The following DHRSX variants were observed in gnomAD, a reference collection of about 807,000 sequenced individuals.
DHRSX encodes the protein polyprenol dehydrogenase.
In DHRSX, 31 loss-of-function variants were observed where a neutral mutation model predicts 34.0. The ratio of observed to expected loss-of-function variants is 0.91; its 90% CI spans 0.69 to 1.23. The LOEUF (loss-of-function observed/expected upper bound fraction) is 1.23. DHRSX is among the 50% of genes most tolerant of loss of function. DHRSX has a pLI of 0.00. For synonymous variants in DHRSX, 201 were observed against 183.8 expected (o/e 1.09, Z -0.76); for missense variants, 414 against 428.1 (o/e 0.97, Z 0.29).
chrX:2,459,288 CA>C (rs1039503999), intron 1 of DHRSX, among the ~76,000 whole-genome samples: 2 of 151,298 alleles, frequency 1.3e-5, no homozygotes, highest in African/African-American at 2.4e-5. Flanking sequence ...TTCTCATCAC[CA>C]AAAAAACGAA....
chrX:2,284,789 G>A lies in DHRSX; in HGVS notation c.388+6713C>T, dbSNP rs192856190. 2.4e-3 allele frequency among the ~76,000 whole-genome samples: 372 copies of A among 152,274 alleles called. 1 individual carries two copies. The highest frequency in any genetic ancestry group is 8.3e-3 in the African/African-American group (344 of 41,556). The stretch of plus-strand genomic sequence containing the variant: ...CTTGATAAATCATCGCGTTGCCTCT[G>A]AGCTTCCCACAGCAGCCAGACAGAG... On this transcript the variant is annotated intron_variant, in intron 4 of 6. Coordinates refer to ENST00000334651, the MANE Select transcript of DHRSX (RefSeq NM_145177.3).
chrX:2,223,581 A>G (rs920774235), intron 6 of DHRSX, among the ~76,000 whole-genome samples: 9 of 152,132 alleles, frequency 5.9e-5, no homozygotes, highest in Admixed American at 2.0e-4. Flanking sequence ...GTAAAGGCGA[A>G]AGGGATGGAA....
intron 3 of DHRSX, among the ~76,000 whole-genome samples, chrX:2,335,140 G>A (rs968782218): frequency 4.0e-5 from 6 of 148,212 alleles, no homozygotes; most frequent in Non-Finnish European, 8.9e-5. Context: ...AGCCGAGATC[G>A]TACCACTGCA....
intron 3 of DHRSX, among the ~76,000 whole-genome samples, chrX:2,402,530 TGAGCCTGGAGGCAGACTCAGTC>T (rs1183129885): frequency 6.6e-6 from 1 of 152,200 alleles, no homozygotes; most frequent in Non-Finnish European, 1.5e-5. Context: ...TGGGGGCTCC[TGAGCCTGGAGGCAGACTCAGTC>T]GAGGTAAAGG....
chrX:2,311,158 C>A (rs1329060480), intron 3 of DHRSX, among the ~76,000 whole-genome samples: 1 of 149,906 alleles, frequency 6.7e-6, no homozygotes, highest in Admixed American at 6.6e-5. Context: ...AGGAGAGACA[C>A]AGAGAAAGTG....
chrX:2,452,910 T>G (rs1476681905), intron 1 of DHRSX, among the ~76,000 whole-genome samples: 2 of 152,192 alleles, frequency 1.3e-5, no homozygotes, highest in African/African-American at 2.4e-5. Flanking sequence ...TACCCATCAA[T>G]GGGATACCTG....
At chrX:2,323,871 G>C (rs995737645) in intron 3 of DHRSX, among the ~76,000 whole-genome samples, 21 of 152,110 alleles carry the variant, frequency 1.4e-4, no homozygotes, top group Non-Finnish European at 2.8e-4. Context: ...TAATGATACA[G>C]GGGTTAAGAA....
rs182388719 is a variant in DHRSX, at chrX:2,220,839, C to T, written c.*202G>A. The T allele has an allele frequency of 9.3e-6, 5 of 538,508 alleles. No homozygotes were observed. The highest frequency in any genetic ancestry group is 5.0e-4 in the Middle Eastern group (1 of 1,982). 33.4% of individuals were successfully genotyped at this position (538,508 alleles called of 1,614,324 possible). ...AATCACAAAGTTTATGGTTGAAGAC[C>T]ACTTGGGGTGATTATCCTCCAAAAT... On this transcript the variant is annotated 3_prime_UTR_variant, in exon 7 of 7. Coordinates refer to ENST00000334651, the MANE Select transcript of DHRSX (RefSeq NM_145177.3).
chrX:2,266,715 A>G, intron 5 of DHRSX, 25 bp downstream of exon 5: 1 of 1,609,718 alleles, frequency 6.2e-7, no homozygotes, highest in Non-Finnish European at 8.5e-7. Context: ...AGATGCTGTT[A>G]TGATTATTCA....
At chrX:2,241,320 C>T (rs1166193918) in intron 6 of DHRSX, among the ~76,000 whole-genome samples, 1 of 152,166 alleles carries the variant, frequency 6.6e-6, no homozygotes, top group African/African-American at 2.4e-5. Flanking sequence ...AAAACCAACA[C>T]CCCAAAGTAC....
At chrX:2,442,285 G>A (rs1250573971) in intron 1 of DHRSX, among the ~76,000 whole-genome samples, 3 of 151,408 alleles carry the variant, frequency 2.0e-5, no homozygotes, top group Non-Finnish European at 2.9e-5. Flanking sequence ...GGAGGAGGAG[G>A]AGGAACAAAA....
chrX:2,371,759 A>C (rs1016001821), intron 3 of DHRSX, among the ~76,000 whole-genome samples: 1 of 149,478 alleles, frequency 6.7e-6, no homozygotes, highest in African/African-American at 2.5e-5. Flanking sequence ...CTCCCATTAC[A>C]GTAGTCCCTC....
At chrX:2,292,202 G>A (rs914273627) in intron 3 of DHRSX, among the ~76,000 whole-genome samples, 19 of 152,250 alleles carry the variant, frequency 1.2e-4, no homozygotes, top group Admixed American at 6.5e-4. Flanking sequence ...TTGTGAGAGC[G>A]CCTTGGGGCC....
chrX:2,225,153 CAT>C (rs2015621867), intron 6 of DHRSX, among the ~76,000 whole-genome samples: 1 of 143,738 alleles, frequency 7.0e-6, no homozygotes, highest in South Asian at 2.4e-4. Context: ...CATGTACACA[CAT>C]TCACATGCAC....
At chrX:2,246,108 G>C (rs772439844) in intron 5 of DHRSX, among the ~76,000 whole-genome samples, 8 of 151,764 alleles carry the variant, frequency 5.3e-5, no homozygotes, top group African/African-American at 1.9e-4. Flanking sequence ...AATTAACTGA[G>C]ACCTGTCTCA....
intron 3 of DHRSX, among the ~76,000 whole-genome samples, chrX:2,302,612 A>AAAATAAATAAATAAATAAAT (rs746166098): frequency 6.7e-6 from 1 of 149,982 alleles, no homozygotes; most frequent in African/African-American, 2.4e-5. Context: ...ACTGTCTCAA[A>AAAATAAATAAATAAATAAAT]AAATAAATAA....
At chrX:2,309,612 T>A (rs1320985510) in intron 3 of DHRSX, among the ~76,000 whole-genome samples, 1 of 152,206 alleles carries the variant, frequency 6.6e-6, no homozygotes, top group Admixed American at 6.6e-5. Flanking sequence ...CCAACTGGGC[T>A]AATTTGAAAA....
chrX:2,271,795 A>C (rs767115180), intron 4 of DHRSX, among the ~76,000 whole-genome samples: 1 of 152,242 alleles, frequency 6.6e-6, no homozygotes, highest in African/African-American at 2.4e-5. Flanking sequence ...TCCTCCCAGC[A>C]CTTTCAGAGG....
chrX:2,449,339 G>GT (rs886278081), intron 1 of DHRSX, among the ~76,000 whole-genome samples: 36 of 152,118 alleles, frequency 2.4e-4, no homozygotes, highest in Non-Finnish European at 4.4e-4. Context: ...AGATCAGGCT[G>GT]TCCCCTAACA....
Sources: allele counts gnomAD v4.1 joint callset (sites outside exome capture counted in the v4.1 genomes callset), GRCh38; gene constraint gnomAD v4.1.1; transcripts MANE v1.5; gene names NCBI Gene and HGNC (gene_info 2026-07-23, HGNC 2026-07-21).